Variants in CAPN13 observed in about 807,000 individuals in gnomAD.
CAPN13 encodes the protein calpain 13.
Under a neutral mutation model 98.4 loss-of-function variants are expected in CAPN13, and 90 were observed. The observed-to-expected ratio is 0.92, with a 90% CI of 0.77 to 1.09. The LOEUF is 1.09. Among genes scored for constraint, CAPN13 ranks in the 50% least tolerant of loss-of-function variants. The pLI is 0.00. For synonymous variants in CAPN13, 330 were observed against 305.5 expected (o/e 1.08, Z -0.84); for missense variants, 887 against 841.3 (o/e 1.05, Z -0.67).
At chr2:30,744,582 G>A (rs1671815324) in intron 12 of CAPN13, among the ~76,000 whole-genome samples, 1 of 152,176 alleles carries the variant, frequency 6.6e-6, no homozygotes, top group Non-Finnish European at 1.5e-5. Context: ...TGGGCAGCAT[G>A]CCTCCTATAA....
chr2:30,801,280 ATCT>A (rs1675255725), intron 1 of CAPN13, among the ~76,000 whole-genome samples: 1 of 152,158 alleles, frequency 6.6e-6, no homozygotes, highest in African/African-American at 2.4e-5. Context: ...CCCTGGGCCT[ATCT>A]TCTTAGGCTT....
chr2:30,790,797 T>C (rs576758042), intron 1 of CAPN13, among the ~76,000 whole-genome samples: 1 of 152,320 alleles, frequency 6.6e-6, no homozygotes, highest in Admixed American at 6.5e-5. Flanking sequence ...ACACTAGGCA[T>C]AAATGGGTTA....
intron 15 of CAPN13, 39 bp downstream of exon 15, chr2:30,741,869 C>G (rs756639804): frequency 6.8e-6 from 11 of 1,613,584 alleles, no homozygotes; most frequent in African/African-American, 1.3e-5. Context: ...TCCCCTTTCT[C>G]CAATCCCACG....
intron 1 of CAPN13, among the ~76,000 whole-genome samples, chr2:30,790,017 G>A (rs1294627256): frequency 6.6e-6 from 1 of 152,214 alleles, no homozygotes; most frequent in Non-Finnish European, 1.5e-5. Flanking sequence ...GCGGAGGTGG[G>A]CTGTTCTGGG....
intron 17 of CAPN13, chr2:30,737,988 C>G: frequency 3.7e-6 from 2 of 543,028 alleles, no homozygotes; most frequent in Non-Finnish European, 6.7e-6. Context: ...CACACACACA[C>G]ACACACACAC....
At chr2:30,751,323 C>T (rs1672167138) in intron 10 of CAPN13, 72 bp from the exon 11 acceptor site, 2 of 1,541,476 alleles carry the variant, frequency 1.3e-6, no homozygotes, top group Non-Finnish European at 1.8e-6. Flanking sequence ...ATGTCCAGTG[C>T]AGAGAGTTCT....
chr2:30,775,957 G>T lies in CAPN13; in HGVS notation c.360C>A (p.His120Gln). The T allele has an allele frequency of 1.2e-6, 2 of 1,611,552 alleles. No individual in the cohort carries two copies. Among genetic ancestry groups the T allele is most frequent in the South Asian group, 1.1e-5 (1 of 90,436 alleles). ...QKILMVQSFS[H>Q]QYAGIFRFRF... ...GGAAACGGAAAATGCCAGCATACTGGTGTGAAAAGCTTTGGACCATCAGGA... is the reference window on the plus strand; with the variant it reads ...GGAAACGGAAAATGCCAGCATACTGTTGTGAAAAGCTTTGGACCATCAGGA... The change falls in exon 4 of 23, where the codon CAC becomes CAA. Residue 120 changes from histidine (H) to glutamine (Q), a missense_variant. Transcript: ENST00000295055.
At chr2:30,756,460 G>C (rs552270273) in intron 8 of CAPN13, among the ~76,000 whole-genome samples, 16 of 152,264 alleles carry the variant, frequency 1.1e-4, no homozygotes, top group African/African-American at 3.9e-4. Flanking sequence ...CCAAATCCTG[G>C]TGTCCCCTGT....
At chr2:30,788,187 C>T (rs1674418129) in intron 1 of CAPN13, among the ~76,000 whole-genome samples, 1 of 152,190 alleles carries the variant, frequency 6.6e-6, no homozygotes, top group Non-Finnish European at 1.5e-5. Flanking sequence ...ACTGCTTCTG[C>T]AATTTGGAGC....
At chr2:30,788,374 C>A (rs1053734074) in intron 1 of CAPN13, among the ~76,000 whole-genome samples, 2 of 152,180 alleles carry the variant, frequency 1.3e-5, no homozygotes, top group African/African-American at 4.8e-5. Flanking sequence ...ACAAGGAAGG[C>A]TGAGGTTTCT....
intron 4 of CAPN13, among the ~76,000 whole-genome samples, chr2:30,770,913 T>A (rs1673373069): frequency 6.6e-6 from 1 of 152,096 alleles, no homozygotes; most frequent in Non-Finnish European, 1.5e-5. Context: ...TTTAAGCACG[T>A]GGCAGGGAGA....
At chr2:30,777,673 G>C in intron 2 of CAPN13, 34 bp from the exon 3 acceptor site, 1 of 1,490,328 alleles carries the variant, frequency 6.7e-7, no homozygotes, top group East Asian at 2.4e-5. Context: ...TATGAACATC[G>C]TTTATTCCTT....
intron 3 of CAPN13, 59 bp from the exon 4 acceptor site, chr2:30,776,104 T>C: frequency 1.7e-6 from 2 of 1,165,448 alleles, no homozygotes; most frequent in Non-Finnish European, 1.3e-6. Context: ...CCCTCCCCCA[T>C]AATTTCAAAG....
chr2:30,741,098 A>T (rs1484769842), intron 15 of CAPN13, among the ~76,000 whole-genome samples: 1 of 152,160 alleles, frequency 6.6e-6, no homozygotes, highest in Non-Finnish European at 1.5e-5. Context: ...ATCAGCCCAG[A>T]TGGTGGACCT....
intron 15 of CAPN13, among the ~76,000 whole-genome samples, chr2:30,738,883 GTA>G (rs1437785025): frequency 4.1e-4 from 62 of 151,406 alleles, no homozygotes; most frequent in Non-Finnish European, 7.8e-4. Flanking sequence ...TGTGTTGTGT[GTA>G]TGTGTGTGTG....
Position 30,758,259 on chromosome 2 carries a change from G to A in CAPN13, c.775-122C>T, listed in dbSNP as rs993985246. The A allele has an allele frequency of 1.5e-5, 10 of 662,918 alleles. No homozygotes were observed. The African/African-American group carries it at 1.7e-4, about 11-fold the overall frequency. The allele number at this position is 662,918 out of a possible 1,614,324, so 41.1% of individuals were successfully genotyped here. A position where few individuals can be genotyped will look rare whatever the true frequency, so the allele number is the denominator to read the frequency against. Reference sequence around the variant, plus strand: ...TAACTTCTGACCTCATTTGGCTGCAGCCAGAAAAAAAATTGAAAGGGAAAA... The same window carrying A: ...TAACTTCTGACCTCATTTGGCTGCAACCAGAAAAAAAATTGAAAGGGAAAA... On this transcript the variant is annotated intron_variant, in intron 7 of 22. Transcript: ENST00000295055.
At chr2:30,762,571 G>A (rs1188564916) in intron 7 of CAPN13, among the ~76,000 whole-genome samples, 1 of 152,218 alleles carries the variant, frequency 6.6e-6, no homozygotes, top group Non-Finnish European at 1.5e-5. Context: ...GATCAGAGCA[G>A]CTGTCTTGGG....
intron 1 of CAPN13, among the ~76,000 whole-genome samples, chr2:30,796,190 A>T (rs1674862811): frequency 6.9e-6 from 1 of 145,972 alleles, no homozygotes; most frequent in Admixed American, 6.9e-5. Flanking sequence ...ATATACATAT[A>T]TATGTGTGTG....
chr2:30,771,977 G>C (rs1375163917), intron 4 of CAPN13, among the ~76,000 whole-genome samples: 1 of 152,170 alleles, frequency 6.6e-6, no homozygotes, highest in East Asian at 1.9e-4. Context: ...ACAATGCCTG[G>C]CACACAGTAG....
Sources: gnomAD v4.1 joint callset for allele counts (sites outside exome capture counted in the v4.1 genomes callset) on GRCh38, gnomAD v4.1.1 for gene constraint, MANE v1.5 for transcripts, NCBI Gene and HGNC (gene_info 2026-07-23, HGNC 2026-07-21) for gene names.